RAB38: variants seen among roughly 807,000 people sequenced by gnomAD.
The protein encoded by RAB38 is ras-related protein Rab-38.
Under a neutral mutation model 18.4 loss-of-function variants are expected in RAB38, and 15 were observed. That is an observed-to-expected ratio of 0.82 (90% CI 0.55 to 1.26). The LOEUF (loss-of-function observed/expected upper bound fraction) is 1.26. Among genes scored for constraint, RAB38 ranks in the 50% most tolerant of loss-of-function variants. The pLI, the probability that RAB38 is intolerant of heterozygous loss-of-function variation, is 0.00. For synonymous variants in RAB38, 101 were observed against 104.4 expected, an observed-to-expected ratio of 0.97 and a Z score of 0.20; for missense variants, 294 against 267.4, an observed-to-expected ratio of 1.10 and a Z score of -0.69.
At chr11:87,828,839 T>C in the RAB38 span, among the ~76,000 whole-genome samples, 1 of 152,234 alleles carries the variant, frequency 6.6e-6, no homozygotes, top group Non-Finnish European at 1.5e-5. Context: ...TGAATGATTA[T>C]AAATGCACAT....
the RAB38 span, among the ~76,000 whole-genome samples, chr11:87,969,059 GT>G: frequency 6.6e-6 from 1 of 152,158 alleles, no homozygotes; most frequent in Non-Finnish European, 1.5e-5. Context: ...CTAAGGGTAT[GT>G]GTTAATCAGG....
At chr11:87,920,784 C>A in the RAB38 span, among the ~76,000 whole-genome samples, 1 of 152,038 alleles carries the variant, frequency 6.6e-6, no homozygotes, top group Admixed American at 6.6e-5. Flanking sequence ...CCCTTCAGAT[C>A]TATTAATCAT....
the RAB38 span, among the ~76,000 whole-genome samples, chr11:87,893,371 C>CATATATATATATATATGTATATATATAT: frequency 1.2e-5 from 1 of 86,420 alleles, no homozygotes; most frequent in Non-Finnish European, 2.2e-5. Context: ...ATATATTTTA[C>CATATATATATATATATGTATATATATAT]ATATATATAT....
intron 2 of RAB38, among the ~76,000 whole-genome samples, chr11:88,122,566 A>G (rs954815708): frequency 1.3e-5 from 2 of 152,240 alleles, no homozygotes; most frequent in Non-Finnish European, 2.9e-5. Context: ...TTGAACACTT[A>G]GGCACCATGC....
At chr11:88,108,415 G>A (rs1241136176), downstream of RAB38, among the ~76,000 whole-genome samples, 1 of 152,108 alleles carries the variant, frequency 6.6e-6, no homozygotes, top group Admixed American at 6.6e-5. Flanking sequence ...TTTAAAATCT[G>A]TTTTATCAGA....
the RAB38 span, among the ~76,000 whole-genome samples, chr11:88,062,566 C>T: frequency 2.0e-5 from 3 of 152,160 alleles, no homozygotes; most frequent in Non-Finnish European, 4.4e-5. Context: ...AGAAGTATCT[C>T]TAAGCTCCTC....
the RAB38 span, among the ~76,000 whole-genome samples, chr11:87,904,214 T>C: frequency 1.1e-4 from 16 of 151,818 alleles, no homozygotes; most frequent in African/African-American, 3.9e-4. Context: ...CTAAGCATAG[T>C]ACCCAACAGG....
At chr11:88,050,970 GA>G in the RAB38 span, among the ~76,000 whole-genome samples, 1 of 152,186 alleles carries the variant, frequency 6.6e-6, no homozygotes, top group Non-Finnish European at 1.5e-5. Context: ...AGGAGGGCTG[GA>G]ATTAGGTTGA....
the RAB38 span, among the ~76,000 whole-genome samples, chr11:87,869,537 A>G: frequency 1.3e-5 from 2 of 151,640 alleles, no homozygotes; most frequent in African/African-American, 4.8e-5. Context: ...CAATAATTTT[A>G]TAGTTATTGG....
chr11:88,051,659 A>C, the RAB38 span, among the ~76,000 whole-genome samples: 1 of 152,204 alleles, frequency 6.6e-6, no homozygotes, highest in South Asian at 2.1e-4. Context: ...AGATGCCAAG[A>C]CTGAGATAGC....
intron 2 of RAB38, among the ~76,000 whole-genome samples, chr11:88,133,546 C>T (rs2134799243): frequency 6.6e-6 from 1 of 152,222 alleles, no homozygotes; most frequent in East Asian, 1.9e-4. Flanking sequence ...CCCTAGACAC[C>T]TCTGACCCAT....
chr11:88,051,700 T>G, the RAB38 span, among the ~76,000 whole-genome samples: 1,325 of 152,318 alleles, frequency 8.7e-3, 18 homozygotes, highest in African/African-American at 0.031. Context: ...ACAAAGTCTA[T>G]AAAGCAGGCA....
At chr11:88,029,768 CACATTAAT>C in the RAB38 span, among the ~76,000 whole-genome samples, 1 of 152,026 alleles carries the variant, frequency 6.6e-6, no homozygotes, top group Non-Finnish European at 1.5e-5. Flanking sequence ...TAGACTCCCA[CACATTAAT>C]AATGGGAGAC....
the RAB38 span, among the ~76,000 whole-genome samples, chr11:87,926,581 T>C: frequency 1.3e-5 from 2 of 151,976 alleles, no homozygotes; most frequent in African/African-American, 2.4e-5. Flanking sequence ...AGAATGGTAA[T>C]ATATGGAAGC....
chr11:88,169,514 C>T (rs1943283698), intron 1 of RAB38, among the ~76,000 whole-genome samples: 1 of 152,120 alleles, frequency 6.6e-6, no homozygotes, highest in African/African-American at 2.4e-5. Context: ...AATTGTAAGC[C>T]TGAGCTCATG....
intron 2 of RAB38, among the ~76,000 whole-genome samples, chr11:88,128,590 C>T (rs1942732794): frequency 6.6e-6 from 1 of 152,182 alleles, no homozygotes; most frequent in Non-Finnish European, 1.5e-5. Flanking sequence ...CAAATACCAT[C>T]AGATCACCTT....
At chr11:87,857,433 C>T in the RAB38 span, among the ~76,000 whole-genome samples, 3 of 152,130 alleles carry the variant, frequency 2.0e-5, no homozygotes, top group South Asian at 2.1e-4. Context: ...CCTGAGGAAT[C>T]GCCACACTGT....
the RAB38 span, among the ~76,000 whole-genome samples, chr11:87,850,743 C>CACACAT: frequency 2.0e-5 from 3 of 150,098 alleles, 1 homozygote; most frequent in South Asian, 4.2e-4. Context: ...CACACACACA[C>CACACAT]ACATACACAC....
At chr11:87,947,505 G>C in the RAB38 span, among the ~76,000 whole-genome samples, 1 of 152,032 alleles carries the variant, frequency 6.6e-6, no homozygotes, top group African/African-American at 2.4e-5. Context: ...TTTCTTCTAG[G>C]GTTTTTATGG....
Sources: gnomAD v4.1 joint callset for allele counts (sites outside exome capture counted in the v4.1 genomes callset) on GRCh38, gnomAD v4.1.1 for gene constraint, MANE v1.5 for transcripts, NCBI Gene and HGNC (gene_info 2026-07-23, HGNC 2026-07-21) for gene names.